CEP63: variants seen among roughly 807,000 people sequenced by gnomAD.
CEP63 encodes centrosomal protein of 63 kDa.
CEP63 carries 84 observed loss-of-function variants against 89.1 expected under a neutral mutation model. The ratio of observed to expected loss-of-function variants is 0.94; its 90% CI spans 0.79 to 1.13. The LOEUF is 1.13. CEP63 is among the 50% of genes most tolerant of loss of function. The pLI is 0.00. For synonymous variants in CEP63, 267 were observed against 272.5 expected (o/e 0.98, Z 0.20); for missense variants, 838 against 813.3 (o/e 1.03, Z -0.37).
chr3:134,643,699 GCA>G, the CEP63 span, among the ~76,000 whole-genome samples: 1 of 152,190 alleles, frequency 6.6e-6, no homozygotes, highest in South Asian at 2.1e-4. Context: ...GTGTCACCAG[GCA>G]CAGTTTCAAA....
the CEP63 span, among the ~76,000 whole-genome samples, chr3:134,775,080 G>A: frequency 1.5e-3 from 230 of 152,276 alleles, no homozygotes; most frequent in African/African-American, 5.1e-3. Flanking sequence ...AGTCACCTCC[G>A]GTGGTGACTG....
chr3:134,773,171 G>A, the CEP63 span, among the ~76,000 whole-genome samples: 9 of 152,132 alleles, frequency 5.9e-5, no homozygotes, highest in Admixed American at 2.6e-4. Flanking sequence ...CTCCTTCCTG[G>A]TTCTCCTCCC....
At chr3:134,671,747 G>C in the CEP63 span, among the ~76,000 whole-genome samples, 1 of 152,212 alleles carries the variant, frequency 6.6e-6, no homozygotes, top group Non-Finnish European at 1.5e-5. Flanking sequence ...ACACAGGGGT[G>C]GCAGAGTGGT....
In CEP63 at chr3:134,495,312, G is replaced by A. The variant is rs769627086; in HGVS notation, c.-9G>A. ...CTTTGTCAGTTGCCAAAACAAAGGG[G>A]ATTTGGTGATGGAGGCTTTGTTAGA... is the stretch of plus-strand genomic sequence containing the variant. On this transcript the variant is annotated 5_prime_UTR_variant, in exon 2 of 15. Coordinates refer to ENST00000675561, the MANE Select transcript of CEP63 (RefSeq NM_001353108.3). 1.2e-6 allele frequency: 2 copies of A among 1,613,400 alleles called. No homozygotes were observed. The highest frequency in any genetic ancestry group is 1.7e-6 in the Non-Finnish European group (2 of 1,179,442).
At chr3:134,711,769 T>TC in the CEP63 span, among the ~76,000 whole-genome samples, 3 of 150,268 alleles carry the variant, frequency 2.0e-5, no homozygotes, top group East Asian at 5.8e-4. Flanking sequence ...TTCTTTTCTT[T>TC]TTTTTTTTTT....
the CEP63 span, chr3:134,625,215 A>G: frequency 2.5e-5 from 28 of 1,111,426 alleles, no homozygotes; most frequent in African/African-American, 3.2e-4. Flanking sequence ...TGTCTCTTTG[A>G]GGAGCTGTGA....
the CEP63 span, among the ~76,000 whole-genome samples, chr3:134,698,156 C>T: frequency 1.3e-5 from 2 of 152,232 alleles, no homozygotes; most frequent in African/African-American, 4.8e-5. Flanking sequence ...TCACCTTCAG[C>T]AGCTCTTATC....
intron 6 of CEP63, among the ~76,000 whole-genome samples, chr3:134,538,122 T>C (rs1384445783): frequency 2.0e-5 from 3 of 151,938 alleles, no homozygotes; most frequent in Non-Finnish European, 4.4e-5. Context: ...TATGATAATC[T>C]GTCAAGGTTG....
intron 2 of CEP63, among the ~76,000 whole-genome samples, chr3:134,505,997 G>A (rs1943350806): frequency 6.6e-6 from 1 of 152,138 alleles, no homozygotes; most frequent in African/African-American, 2.4e-5. Context: ...TTTTTGGGTT[G>A]TTTGCCTCAT....
At chr3:134,627,606 C>G in the CEP63 span, 21 of 661,976 alleles carry the variant, frequency 3.2e-5, no homozygotes, top group Non-Finnish European at 5.4e-5. Context: ...CATTGCTAAT[C>G]AATCATGACA....
At chr3:134,629,699 C>T in the CEP63 span, 1 of 1,582,584 alleles carries the variant, frequency 6.3e-7, no homozygotes, top group Admixed American at 1.8e-5. Flanking sequence ...TGTGTCCCTA[C>T]AAAGGAAAAG....
intron 13 of CEP63, 105 bp downstream of exon 13, chr3:134,558,452 A>G: frequency 1.2e-6 from 1 of 839,964 alleles, no homozygotes; most frequent in Non-Finnish European, 1.9e-6. Flanking sequence ...TCATCAAAGG[A>G]CTCTATGTTT....
the CEP63 span, among the ~76,000 whole-genome samples, chr3:134,666,668 G>A: frequency 4.6e-5 from 7 of 152,278 alleles, no homozygotes; most frequent in East Asian, 1.9e-4. Flanking sequence ...GAGGCACCTC[G>A]GAGGTCATGA....
rs530302426 is a variant in CEP63, at chr3:134,582,579, T to C, written c.1207-4879T>C. Among the ~76,000 whole-genome samples the C allele has an allele frequency of 3.9e-5, 6 of 152,322 alleles. No individual in the cohort carries two copies. The East Asian group carries it at 5.8e-4, about 15-fold the overall frequency. On this transcript the variant is annotated intron_variant, in intron 10 of 10. Coordinates refer to the CEP63 transcript ENST00000683931. ...CACATTTTCTTAATCCAGTCTATCA[T>C]TGATGGACATTGGGTTGGTTCCAAG...
chr3:134,501,655 T>A (rs1942035869), intron 2 of CEP63, among the ~76,000 whole-genome samples: 1 of 152,234 alleles, frequency 6.6e-6, no homozygotes, highest in Non-Finnish European at 1.5e-5. Context: ...ATAGAAATGC[T>A]GCTGATTTTT....
downstream of CEP63, among the ~76,000 whole-genome samples, chr3:134,575,332 A>T (rs1958183229): frequency 1.0e-5 from 1 of 99,388 alleles, no homozygotes; most frequent in Non-Finnish European, 2.0e-5. Flanking sequence ...CTTTCTTTGG[A>T]GACAGGGTCT....
At chr3:134,647,410 G>A in the CEP63 span, 1 of 1,554,788 alleles carries the variant, frequency 6.4e-7, no homozygotes. Flanking sequence ...AAATCCTATA[G>A]GTTGAAAGGA....
chr3:134,626,479 T>G, the CEP63 span, among the ~76,000 whole-genome samples: 1 of 152,042 alleles, frequency 6.6e-6, no homozygotes, highest in Non-Finnish European at 1.5e-5. Flanking sequence ...TCTGGGAGGG[T>G]GCAGGCTGTG....
At chr3:134,777,663 G>A in the CEP63 span, among the ~76,000 whole-genome samples, 3 of 139,598 alleles carry the variant, frequency 2.1e-5, no homozygotes, top group African/African-American at 8.0e-5. Context: ...CTGTTGCTCA[G>A]GCTGGAGTGC....
Sources: allele counts gnomAD v4.1 joint callset (sites outside exome capture counted in the v4.1 genomes callset), GRCh38; gene constraint gnomAD v4.1.1; transcripts MANE v1.5; gene names NCBI Gene and HGNC (gene_info 2026-07-23, HGNC 2026-07-21).